The following DLG2 variants were observed in gnomAD, a reference collection of about 807,000 sequenced individuals.
DLG2 encodes disks large homolog 2.
Under a neutral mutation model 132.5 loss-of-function variants are expected in DLG2, and 45 were observed. That is an observed-to-expected ratio of 0.34 (90% CI 0.27 to 0.44). The LOEUF is 0.44. Among genes scored for constraint, DLG2 ranks in the 20% least tolerant of loss-of-function variants. The probability of loss-of-function intolerance (pLI) is 1.00; values close to 1 mark genes in which losing one functional copy is unlikely to be tolerated. For missense variants in DLG2, 1,045 were observed against 1,196.9 expected (o/e 0.87, Z 1.87); for synonymous variants, 424 against 419.6 (o/e 1.01, Z -0.13).
intron 7 of DLG2, among the ~76,000 whole-genome samples, chr11:84,393,824 C>T (rs1404495664): frequency 2.6e-5 from 4 of 152,096 alleles, no homozygotes; most frequent in Non-Finnish European, 5.9e-5. Flanking sequence ...TACTCTCCTA[C>T]TTCTTATTAA....
chr11:84,231,173 G>T (rs2097088132), intron 8 of DLG2, among the ~76,000 whole-genome samples: 1 of 152,136 alleles, frequency 6.6e-6, no homozygotes. Flanking sequence ...CTTACTTCCT[G>T]AAATGTAATA....
intron 18 of DLG2, among the ~76,000 whole-genome samples, chr11:83,714,685 T>C (rs1335916566): frequency 6.6e-6 from 1 of 152,216 alleles, no homozygotes; most frequent in South Asian, 2.1e-4. Flanking sequence ...ACAGGAGCCC[T>C]TTGAGAGGAT....
At position 83,884,735 on chromosome 11, in the gene DLG2, C is replaced by A. The variant is rs191304288; in HGVS notation, c.1497-10247G>T. On this transcript the variant is annotated intron_variant, in intron 15 of 27. Coordinates refer to ENST00000376104, the MANE Select transcript of DLG2 (RefSeq NM_001142699.3). ...CTGACACCTCACACAGCCAGATACT[C>A]CTCTGAGACAAAACTTCCAGAGGAA... Among the ~76,000 whole-genome samples the A allele has an allele frequency of 2.5e-3, 374 of 152,306 alleles. 1 individual carries two copies. Among genetic ancestry groups the A allele is most frequent in the Admixed American group, 3.9e-3 (60 of 15,300 alleles).
At chr11:83,919,470 T>G (rs1489501788) in intron 15 of DLG2, among the ~76,000 whole-genome samples, 3 of 152,198 alleles carry the variant, frequency 2.0e-5, no homozygotes, top group African/African-American at 7.2e-5. Flanking sequence ...AGAAGCTGAT[T>G]AAAATTCATA....
intron 15 of DLG2, among the ~76,000 whole-genome samples, chr11:83,881,324 T>C (rs1289986808): frequency 6.6e-6 from 1 of 152,174 alleles, no homozygotes; most frequent in African/African-American, 2.4e-5. Context: ...ATCATGTACT[T>C]ACACATTGGA....
At position 83,674,236 on chromosome 11, in the gene DLG2, C is replaced by T. The variant is rs142895438; in HGVS notation, c.1826-40911G>A. 7.3e-4 allele frequency among the ~76,000 whole-genome samples: 111 copies of T among 152,246 alleles called. 1 individual carries two copies. The highest frequency in any genetic ancestry group is 2.3e-3 in the African/African-American group (97 of 41,542). On this transcript the variant is annotated intron_variant, in intron 18 of 27. Coordinates refer to ENST00000376104, the MANE Select transcript of DLG2 (RefSeq NM_001142699.3). The stretch of plus-strand genomic sequence containing the variant: ...AAGCAGCTTGTAGAGGAGCACTCAG[C>T]GGGCCCAGGGTAGAAGCTCTTTACT...
chr11:84,643,713 A>G (rs977676819), intron 6 of DLG2, among the ~76,000 whole-genome samples: 4 of 152,204 alleles, frequency 2.6e-5, no homozygotes, highest in African/African-American at 9.6e-5. Flanking sequence ...ACAGAAGAAT[A>G]GGTGTATAGG....
intron 6 of DLG2, among the ~76,000 whole-genome samples, chr11:84,617,268 AATG>A (rs2099606163): frequency 6.6e-6 from 1 of 151,818 alleles, no homozygotes; most frequent in South Asian, 2.1e-4. Flanking sequence ...GTTTGCTGAG[AATG>A]ATGGTTTCCA....
chr11:85,547,705 T>C (rs1372794065), intron 3 of DLG2, among the ~76,000 whole-genome samples: 2 of 152,112 alleles, frequency 1.3e-5, no homozygotes, highest in African/African-American at 4.8e-5. Flanking sequence ...TTTTCTCTAA[T>C]CTTGTCTTCT....
intron 6 of DLG2, among the ~76,000 whole-genome samples, chr11:84,906,585 G>A (rs957912939): frequency 2.0e-5 from 3 of 151,984 alleles, no homozygotes; most frequent in Non-Finnish European, 2.9e-5. Context: ...CATTTATGAC[G>A]CCCATAACTC....
chr11:84,653,853 T>A (rs925778203), intron 6 of DLG2, among the ~76,000 whole-genome samples: 4 of 152,172 alleles, frequency 2.6e-5, no homozygotes, highest in African/African-American at 9.7e-5. Context: ...GAGGAATTAG[T>A]AGCTTATTGT....
intron 3 of DLG2, among the ~76,000 whole-genome samples, chr11:85,359,607 G>A (rs2083988754): frequency 6.6e-6 from 1 of 152,140 alleles, no homozygotes; most frequent in African/African-American, 2.4e-5. Flanking sequence ...AACTAGAGGT[G>A]ATATGCACAA....
intron 3 of DLG2, among the ~76,000 whole-genome samples, chr11:85,416,635 T>C (rs971133357): frequency 6.6e-6 from 1 of 152,214 alleles, no homozygotes; most frequent in Non-Finnish European, 1.5e-5. Flanking sequence ...TGGTTTGTAG[T>C]TCTCCTTGAA....
At chr11:85,114,782 C>A (rs754525822) in intron 5 of DLG2, among the ~76,000 whole-genome samples, 9 of 151,912 alleles carry the variant, frequency 5.9e-5, no homozygotes, top group Non-Finnish European at 8.8e-5. Flanking sequence ...ACCTAGAGAA[C>A]CCTAAAGATG....
At chr11:83,737,873 C>T (rs1434785961) in intron 18 of DLG2, among the ~76,000 whole-genome samples, 1 of 152,136 alleles carries the variant, frequency 6.6e-6, no homozygotes, top group Non-Finnish European at 1.5e-5. Context: ...TTCTTCTGTA[C>T]TTGCAATTTT....
At chr11:84,134,067 C>T (rs2094515177) in intron 9 of DLG2, among the ~76,000 whole-genome samples, 2 of 152,104 alleles carry the variant, frequency 1.3e-5, no homozygotes, top group South Asian at 4.1e-4. Context: ...TTACTATGTG[C>T]CTGTACTCGG....
At chr11:84,729,481 G>A (rs1212943409) in intron 6 of DLG2, among the ~76,000 whole-genome samples, 1 of 152,120 alleles carries the variant, frequency 6.6e-6, no homozygotes, top group Non-Finnish European at 1.5e-5. Flanking sequence ...ATTTGCTGAA[G>A]CGTGTTTTAC....
intron 6 of DLG2, among the ~76,000 whole-genome samples, chr11:85,011,905 A>G (rs929342914): frequency 1.5e-4 from 23 of 152,160 alleles, no homozygotes; most frequent in African/African-American, 5.6e-4. Flanking sequence ...TTCAGCAAAC[A>G]TTTACTATTG....
chr11:83,574,394 A>G (rs1404026071), intron 19 of DLG2, among the ~76,000 whole-genome samples: 1 of 152,196 alleles, frequency 6.6e-6, no homozygotes, highest in African/African-American at 2.4e-5. Flanking sequence ...TAAAACTACA[A>G]AAATACAAAT....
Sources: gnomAD v4.1 joint callset for allele counts (sites outside exome capture counted in the v4.1 genomes callset) on GRCh38, gnomAD v4.1.1 for gene constraint, MANE v1.5 for transcripts, NCBI Gene and HGNC (gene_info 2026-07-23, HGNC 2026-07-21) for gene names.